The following PTPA variants were observed in gnomAD, a reference collection of about 807,000 sequenced individuals.
The protein encoded by PTPA is serine/threonine-protein phosphatase 2A activator.
PTPA carries 13 observed loss-of-function variants against 43.6 expected under a neutral mutation model. The observed-to-expected ratio is 0.30, with a 90% CI of 0.19 to 0.47. The LOEUF (loss-of-function observed/expected upper bound fraction) is 0.47. Among genes scored for constraint, PTPA ranks in the 20% least tolerant of loss-of-function variants. The pLI is 0.99. For synonymous variants in PTPA, 172 were observed against 158.2 expected, an observed-to-expected ratio of 1.09 and a Z score of -0.66; for missense variants, 329 against 411.9, an observed-to-expected ratio of 0.80 and a Z score of 1.74.
chr9:129,131,570 G>C lies in PTPA; in HGVS notation c.391G>C (p.Ala131Pro). Residue 131 changes from alanine to proline, a missense_variant, in exon 5 of 10, where the codon GCT becomes CCT. Physicochemically the swap from Ala to Pro is conservative, Grantham distance 27. Coordinates refer to ENST00000393370, the MANE Select transcript of PTPA (RefSeq NM_178000.3). Reference protein sequence around the residue: ...ATVVPTHLAAAVPEVAVYLKE... With the variant: ...ATVVPTHLAAPVPEVAVYLKE... ...AGTGGTCCCTACCCATCTGGCAGCT[G>C]CTGTGCCTGAGGTGGCTGTTTACCT... 6.2e-7 allele frequency: 1 copy of C among 1,614,158 alleles called. No homozygotes were observed. The highest frequency in any genetic ancestry group is 8.5e-7 in the Non-Finnish European group (1 of 1,180,042).
chr9:129,131,469 A>G (rs1194067335), intron 4 of PTPA, 53 bp from the exon 5 acceptor site: 3 of 1,548,674 alleles, frequency 1.9e-6, no homozygotes, highest in African/African-American at 2.7e-5. Flanking sequence ...GCACCTGCCC[A>G]CTGGGATGCT....
chr9:129,130,068 G>A (rs1042406112), intron 4 of PTPA, among the ~76,000 whole-genome samples: 1 of 152,140 alleles, frequency 6.6e-6, no homozygotes, highest in Admixed American at 6.5e-5. Context: ...GGTGTGGATG[G>A]ACTAGTCTAT....
At chr9:129,123,001 G>T in intron 2 of PTPA, 51 bp from the exon 3 acceptor site, 2 of 1,427,912 alleles carry the variant, frequency 1.4e-6, no homozygotes, top group Non-Finnish European at 1.9e-6. Context: ...AGGTGGGGCG[G>T]GGGGGTCTGC....
intron 1 of PTPA, among the ~76,000 whole-genome samples, chr9:129,113,992 G>A (rs1848709612): frequency 1.3e-5 from 2 of 152,028 alleles, no homozygotes; most frequent in African/African-American, 2.4e-5. Flanking sequence ...TTTGAAATTT[G>A]AAACAGAACT....
upstream of PTPA, chr9:129,111,402 C>T (rs894812499): frequency 2.0e-4 from 252 of 1,245,646 alleles, no homozygotes; most frequent in Non-Finnish European, 2.4e-4. Flanking sequence ...GGCTTGCTCC[C>T]TGAGCGCCCC....
rs1407617781 is a variant in PTPA, at chr9:129,148,511, A to G, written c.*1047A>G. 6.6e-6 allele frequency: 1 copy of G among 152,460 alleles called. No homozygotes were observed. The highest frequency in any genetic ancestry group is 6.5e-5 in the Admixed American group (1 of 15,282). 9.4% of individuals were successfully genotyped at this position (152,460 alleles called of 1,614,324 possible). ...CCTCCCTGAACTGTCCATTGCTTTTATAGGGTGAGGTAAGAGACAGCCTCC... is the reference window on the plus strand; with the variant it reads ...CCTCCCTGAACTGTCCATTGCTTTTGTAGGGTGAGGTAAGAGACAGCCTCC... On this transcript the variant is annotated 3_prime_UTR_variant, in exon 10 of 10. Transcript: ENST00000393370.
chr9:129,142,591 G>A (rs576694809), intron 9 of PTPA, 39 bp downstream of exon 9: 73 of 1,611,926 alleles, frequency 4.5e-5, no homozygotes, highest in Non-Finnish European at 5.9e-5. Flanking sequence ...CCCTGCTGCC[G>A]CACTTGGTCC....
chr9:129,111,422 TGGC>T lies in PTPA; in HGVS notation c.-175_-173del, dbSNP rs1463167550. ...GCTCCCTGAGCGCCCCGCACCGACA[TGGC>T]GGCCGTCTTCGCTGTGGTGACTTTA... On this transcript the variant is annotated 5_prime_UTR_variant, in exon 1 of 10. Transcript: ENST00000393370. 9 of 1,216,334 alleles carry T rather than the reference TGGC, an allele frequency of 7.4e-6. No homozygotes were observed. In the Admixed American group the frequency reaches 4.0e-4, roughly 54 times the overall value. 75.3% of individuals were successfully genotyped at this position (1,216,334 alleles called of 1,614,324 possible). A position where few individuals can be genotyped will look rare whatever the true frequency, so the allele number is the denominator to read the frequency against.
intron 8 of PTPA, 110 bp from the exon 9 acceptor site, chr9:129,142,335 C>CG: frequency 4.8e-6 from 4 of 833,800 alleles, no homozygotes; most frequent in Non-Finnish European, 7.2e-6. Context: ...TGTGCGTGTG[C>CG]GTTTGTGTGT....
At chr9:129,145,711 T>G (rs1307297194) in intron 9 of PTPA, among the ~76,000 whole-genome samples, 6 of 152,002 alleles carry the variant, frequency 3.9e-5, no homozygotes, top group Non-Finnish European at 4.4e-5. Context: ...AGGGGCCTTG[T>G]GTGGTTGCGG....
chr9:129,118,829 T>TG (rs59978930), intron 1 of PTPA, among the ~76,000 whole-genome samples: 8 of 151,264 alleles, frequency 5.3e-5, no homozygotes, highest in Non-Finnish European at 1.0e-4. Context: ...TTTTTTTTTT[T>TG]GATGCATTAA....
chr9:129,142,253 A>G, intron 8 of PTPA, 192 bp from the exon 9 acceptor site: 1 of 481,550 alleles, frequency 2.1e-6, no homozygotes. Flanking sequence ...TGGCACTTGC[A>G]TGTGCCTGTT....
intron 9 of PTPA, chr9:129,142,904 T>C (rs1216701145): frequency 2.7e-6 from 4 of 1,484,054 alleles, no homozygotes; most frequent in Middle Eastern, 1.9e-4. Context: ...AGTCTGAGTC[T>C]GGCTCTCCCA....
chr9:129,123,870 AC>A (rs1301328171), intron 3 of PTPA, among the ~76,000 whole-genome samples: 1 of 151,800 alleles, frequency 6.6e-6, no homozygotes, highest in Non-Finnish European at 1.5e-5. Flanking sequence ...TTTAGTAGAG[AC>A]GGGGTTTCTC....
chr9:129,120,384 A>G, intron 1 of PTPA, 129 bp from the exon 2 acceptor site: 2 of 650,640 alleles, frequency 3.1e-6, no homozygotes, highest in African/African-American at 1.9e-5. Flanking sequence ...AGATCGTGTC[A>G]CTGGACTCCA....
In PTPA at chr9:129,137,616, A is replaced by G. The variant is rs763166988; in HGVS notation, c.710A>G (p.His237Arg). 4 of 1,612,780 alleles carry G rather than the reference A, an allele frequency of 2.5e-6. No individual in the cohort carries two copies. Among genetic ancestry groups the G allele is most frequent in the Non-Finnish European group, 3.4e-6 (4 of 1,179,424 alleles). The change falls in exon 8 of 10, where the codon CAC becomes CGC. Residue 237 changes from histidine to arginine, a missense_variant. By Grantham distance (29) the His-to-Arg change is conservative. Transcript: ENST00000393370. Reference protein sequence around the residue: ...LIDHPYLEPRHFVDEKAVNEN... With the variant: ...LIDHPYLEPRRFVDEKAVNEN... ...GACCACCCATACCTGGAGCCCAGACACTTTGTGGATGAGAAGGCCGTGAAT... is the reference window on the plus strand; with the variant it reads ...GACCACCCATACCTGGAGCCCAGACGCTTTGTGGATGAGAAGGCCGTGAAT...
intron 3 of PTPA, 43 bp from the exon 4 acceptor site, chr9:129,128,942 C>T: frequency 6.2e-7 from 1 of 1,606,922 alleles, no homozygotes; most frequent in South Asian, 1.1e-5. Context: ...TAAGCGGGAG[C>T]CACTTGCTCT....
chr9:129,131,596 A>G lies in PTPA; in HGVS notation c.417A>G (p.Leu139=). 2 of 1,614,168 alleles carry G rather than the reference A, an allele frequency of 1.2e-6. No individual in the cohort carries two copies. The highest frequency in any genetic ancestry group is 2.2e-5 in the East Asian group (1 of 44,882). Residue 139 remains leucine, a synonymous_variant, in exon 5 of 10, where the codon CTA becomes CTG. Coordinates refer to ENST00000393370, the MANE Select transcript of PTPA (RefSeq NM_178000.3). ...CTGTGCCTGAGGTGGCTGTTTACCT[A>G]AAGGAGTCAGTGGGGAACTCCACGC... ...AAAVPEVAVY[L]KESVGNSTRI...
chr9:129,143,634 C>CGT, intron 9 of PTPA: 1 of 567,320 alleles, frequency 1.8e-6, no homozygotes, highest in Non-Finnish European at 3.2e-6. Flanking sequence ...ACTGAACAGA[C>CGT]CGGGCCCTCA....
Sources: allele counts gnomAD v4.1 joint callset (sites outside exome capture counted in the v4.1 genomes callset), GRCh38; gene constraint gnomAD v4.1.1; transcripts MANE v1.5; gene names NCBI Gene and HGNC (gene_info 2026-07-23, HGNC 2026-07-21).